The following MAP4K3 variants were observed in gnomAD, a reference collection of about 807,000 sequenced individuals.
The protein encoded by MAP4K3 is mitogen-activated protein kinase kinase kinase kinase 3.
MAP4K3 carries 94 observed loss-of-function variants against 143.5 expected under a neutral mutation model. The observed-to-expected ratio is 0.65, with a 90% CI of 0.55 to 0.78. The LOEUF (loss-of-function observed/expected upper bound fraction) is 0.78, where lower values mean the gene tolerates loss of function less well. MAP4K3 is among the 30% of genes least tolerant of loss of function. The probability of loss-of-function intolerance (pLI) is 0.00; values close to 1 mark genes in which losing one functional copy is unlikely to be tolerated. For synonymous variants in MAP4K3, 416 were observed against 347.2 expected (o/e 1.20, Z -2.20); for missense variants, 1,077 against 1,068.1 (o/e 1.01, Z -0.12).
At chr2:39,274,595 T>A (rs1681171523) in intron 24 of MAP4K3, among the ~76,000 whole-genome samples, 1 of 152,142 alleles carries the variant, frequency 6.6e-6, no homozygotes, top group Non-Finnish European at 1.5e-5. Context: ...CTTTAGTGAG[T>A]TAGGTTCTAG....
intron 1 of MAP4K3, among the ~76,000 whole-genome samples, chr2:39,425,831 T>C (rs7565210): frequency 0.03 from 4,585 of 152,104 alleles, 237 homozygotes; most frequent in African/African-American, 0.1. Context: ...AAAAAATAAA[T>C]AAACAAAAAT....
At chr2:39,290,767 A>G (rs1339472464) in intron 18 of MAP4K3, among the ~76,000 whole-genome samples, 1 of 152,162 alleles carries the variant, frequency 6.6e-6, no homozygotes, top group Non-Finnish European at 1.5e-5. Flanking sequence ...CCACTGTAGG[A>G]TGACTATAGT....
chr2:39,381,708 T>C (rs1299518335), intron 1 of MAP4K3, among the ~76,000 whole-genome samples: 3 of 152,192 alleles, frequency 2.0e-5, no homozygotes, highest in African/African-American at 7.2e-5. Flanking sequence ...TATGAAATTG[T>C]GAAATACCAC....
chr2:39,371,180 A>G (rs2148571883), intron 2 of MAP4K3, among the ~76,000 whole-genome samples: 1 of 152,304 alleles, frequency 6.6e-6, no homozygotes, highest in Non-Finnish European at 1.5e-5. Flanking sequence ...CACCAAAAGA[A>G]AAGATAAGAG....
chr2:39,323,554 A>G (rs779061236), intron 12 of MAP4K3: 1 of 152,248 alleles, frequency 6.6e-6, no homozygotes, highest in African/African-American at 2.4e-5. Flanking sequence ...TTACCACTGT[A>G]TATTAATTGA....
Position 39,411,745 on chromosome 2 carries a change from G to A in MAP4K3, c.96+25147C>T, listed in dbSNP as rs1159985010. Among the ~76,000 whole-genome samples the A allele has an allele frequency of 5.3e-5, 8 of 152,274 alleles. No homozygotes were observed. In the South Asian group the frequency reaches 1.7e-3, roughly 32 times the overall value. On this transcript the variant is annotated intron_variant, in intron 1 of 33. Transcript: ENST00000263881. ...TTGAACAAAATAACTCTAAGGAACT[G>A]TGACTGTTAGCAATGAAAAAAATGT...
chr2:39,324,910 G>A (rs1373963376), intron 12 of MAP4K3, among the ~76,000 whole-genome samples: 2 of 152,122 alleles, frequency 1.3e-5, no homozygotes, highest in East Asian at 3.9e-4. Flanking sequence ...GTGAATAGCT[G>A]AGTTTTAGTC....
chr2:39,278,211 G>A (rs1256686690), intron 24 of MAP4K3, among the ~76,000 whole-genome samples, 196 bp downstream of exon 24: 1 of 151,730 alleles, frequency 6.6e-6, no homozygotes, highest in Non-Finnish European at 1.5e-5. Context: ...GAAACTGGTT[G>A]CAGTGAGCCG....
chr2:39,295,301 A>C (rs143677114), intron 16 of MAP4K3, among the ~76,000 whole-genome samples: 5 of 151,978 alleles, frequency 3.3e-5, no homozygotes, highest in Admixed American at 3.3e-4. Flanking sequence ...TTTTTTTTAA[A>C]CACACACACA....
At chr2:39,388,361 T>C (rs1038287252) in intron 1 of MAP4K3, among the ~76,000 whole-genome samples, 4 of 152,192 alleles carry the variant, frequency 2.6e-5, no homozygotes, top group African/African-American at 9.7e-5. Flanking sequence ...AAACACTCTT[T>C]TACGTGCACT....
At chr2:39,327,804 G>T (rs993142994) in intron 8 of MAP4K3, among the ~76,000 whole-genome samples, 8 of 151,698 alleles carry the variant, frequency 5.3e-5, no homozygotes, top group Non-Finnish European at 1.0e-4. Context: ...TAGTGGAGTG[G>T]GAAATGCATG....
At chr2:39,293,032 G>A (rs913160241) in intron 17 of MAP4K3, among the ~76,000 whole-genome samples, 198 bp downstream of exon 17, 7 of 152,048 alleles carry the variant, frequency 4.6e-5, no homozygotes, top group African/African-American at 1.7e-4. Flanking sequence ...TGGAAAGATC[G>A]CTTGAGCCCA....
At chr2:39,379,635 A>T (rs1666308955) in intron 1 of MAP4K3, 1 of 159,754 alleles carries the variant, frequency 6.3e-6, no homozygotes, top group Non-Finnish European at 1.5e-5. Context: ...CACCATCACA[A>T]CTACTTGCCT....
chr2:39,339,777 A>AACAATAT (rs1481487639), intron 4 of MAP4K3, among the ~76,000 whole-genome samples: 3 of 152,130 alleles, frequency 2.0e-5, no homozygotes, highest in Non-Finnish European at 2.9e-5. Context: ...ATATATTGGA[A>AACAATAT]ACAATGAGGT....
intron 26 of MAP4K3, among the ~76,000 whole-genome samples, chr2:39,268,632 C>CTTTTTTTTTT (rs1389888924): frequency 2.2e-5 from 1 of 45,732 alleles, no homozygotes. Flanking sequence ...AAGATTTTTT[C>CTTTTTTTTTT]TATTTTTTTT....
chr2:39,340,415 T>C (rs1175916858), intron 4 of MAP4K3, among the ~76,000 whole-genome samples: 1 of 152,222 alleles, frequency 6.6e-6, no homozygotes, highest in Non-Finnish European at 1.5e-5. Flanking sequence ...CCAATATTCA[T>C]ATATGAGAAC....
At chr2:39,258,301 T>G (rs1680428934) in intron 31 of MAP4K3, 47 bp downstream of exon 31, 1 of 1,184,120 alleles carries the variant, frequency 8.4e-7, no homozygotes, top group East Asian at 2.4e-5. Flanking sequence ...GCAGATAAAT[T>G]ATTTTAAGGA....
chr2:39,306,831 T>A (rs1684669996), intron 15 of MAP4K3, among the ~76,000 whole-genome samples: 1 of 152,214 alleles, frequency 6.6e-6, no homozygotes, highest in South Asian at 2.1e-4. Flanking sequence ...AGAAGCCAGA[T>A]AAGCCACATG....
chr2:39,411,890 T>A (rs891145202), intron 1 of MAP4K3, among the ~76,000 whole-genome samples: 1 of 152,192 alleles, frequency 6.6e-6, no homozygotes, highest in African/African-American at 2.4e-5. Flanking sequence ...GCTTAAACAC[T>A]TGACAACACG....
Sources: gnomAD v4.1 joint callset for allele counts (sites outside exome capture counted in the v4.1 genomes callset) on GRCh38, gnomAD v4.1.1 for gene constraint, MANE v1.5 for transcripts, NCBI Gene and HGNC (gene_info 2026-07-23, HGNC 2026-07-21) for gene names.